Variants in WDR90 observed in about 807,000 individuals in gnomAD.
WDR90 encodes the protein WD repeat-containing protein 90.
Under a neutral mutation model 195.2 loss-of-function variants are expected in WDR90, and 238 were observed. That is an observed-to-expected ratio of 1.22 (90% CI 1.10 to 1.36). The LOEUF is 1.36. WDR90 is among the 40% of genes most tolerant of loss of function. WDR90 has a pLI of 0.00. For missense variants in WDR90, 2,734 were observed against 2,439.5 expected (o/e 1.12, Z -2.54); for synonymous variants, 1,265 against 1,052.4 (o/e 1.20, Z -3.91).
In WDR90 at chr16:660,632, C is replaced by T. The variant is rs1228779599; in HGVS notation, c.3309C>T (p.Ala1103=). The change falls in exon 28 of 41, where the codon GCC becomes GCT. Residue 1103 remains alanine, a synonymous_variant. Coordinates refer to ENST00000293879, the MANE Select transcript of WDR90 (RefSeq NM_145294.5). ...CGCAGGGCACTTGCCCGCCTCCCGC[C>T]AGCGGTGGGTGGCTGCGTCTGAAGG... ...HSAKGTCPPP[A]SGGWLRLKAV... 6.4e-7 allele frequency: 1 copy of T among 1,574,420 alleles called. No individual in the cohort carries two copies. Among genetic ancestry groups the T allele is most frequent in the Admixed American group, 1.8e-5 (1 of 54,768 alleles).
chr16:666,826 C>A, intron 39 of WDR90, 34 bp downstream of exon 39: 1 of 1,612,736 alleles, frequency 6.2e-7, no homozygotes, highest in Non-Finnish European at 8.5e-7. Flanking sequence ...ACTGGGAGCC[C>A]CAGGGATCCA....
Position 666,889 on chromosome 16 carries a change from C to A in WDR90, c.5005-16C>A. On this transcript the variant is annotated splice_polypyrimidine_tract_variant and intron_variant, in intron 39 of 40. Coordinates refer to ENST00000293879, the MANE Select transcript of WDR90 (RefSeq NM_145294.5). ...CTGAGCCCACAGGCCTGGAGCCTCA[C>A]GCTGGCTGCTCACAGGTGGTGGAGA... is the stretch of plus-strand genomic sequence containing the variant. The A allele has an allele frequency of 6.2e-7, 1 of 1,613,072 alleles. No homozygotes were observed. The highest frequency in any genetic ancestry group is 8.5e-7 in the Non-Finnish European group (1 of 1,179,928).
At position 655,638 on chromosome 16, in the gene WDR90, C is replaced by T; in HGVS notation, c.1784C>T (p.Ala595Val). ...TGTCAGCGCATGGTCGTGCGGCATG[C>T]CCGCCGCCTGCTCCCCACACGGACT... ...IDCQRMVVRH[A>V]RRLLPTRTPG... Residue 595 changes from alanine (A) to valine (V), a missense_variant, in exon 16 of 41, where the codon GCC (alanine) becomes GTC (valine). Physicochemically the swap from Ala to Val is moderately conservative, Grantham distance 64. Coordinates refer to ENST00000293879, the MANE Select transcript of WDR90 (RefSeq NM_145294.5). The T allele has an allele frequency of 1.2e-6, 2 of 1,607,128 alleles. No homozygotes were observed. The highest frequency in any genetic ancestry group is 1.7e-5 in the Admixed American group (1 of 59,270).
At chr16:649,311 A>G (rs2037588732), upstream of WDR90, 1 of 1,261,794 alleles carries the variant, frequency 7.9e-7, no homozygotes, top group Non-Finnish European at 1.0e-6. Context: ...CGGCGGAAGT[A>G]ATGGCGGAAG....
At chr16:652,346 G>A in intron 9 of WDR90, 121 bp from the exon 10 acceptor site, 3 of 1,208,120 alleles carry the variant, frequency 2.5e-6, no homozygotes, top group Non-Finnish European at 3.5e-6. Flanking sequence ...AGCCACCCAG[G>A]ACCAGGGCAG....
In WDR90 at chr16:650,441, C is replaced by T. The variant is rs1057201256; in HGVS notation, c.388+79C>T. On this transcript the variant is annotated intron_variant, in intron 4 of 40. Coordinates refer to ENST00000293879, the MANE Select transcript of WDR90 (RefSeq NM_145294.5). ...GTGCAGGCCCAGTGAGGCTCCTCTG[C>T]GGCCTGGAGGACAACCTGGCGGGGG... 14 of 1,588,898 alleles carry T rather than the reference C, an allele frequency of 8.8e-6. 1 individual carries two copies. Among genetic ancestry groups the T allele is most frequent in the African/African-American group, 6.7e-5 (5 of 74,434 alleles).
chr16:657,617 G>T, intron 20 of WDR90, 145 bp from the exon 21 acceptor site: 2 of 1,255,404 alleles, frequency 1.6e-6, no homozygotes, highest in East Asian at 2.7e-5. Context: ...CTGGCACCTT[G>T]GCAATCCTCT....
intron 9 of WDR90, 155 bp downstream of exon 9, chr16:652,194 G>T: frequency 1.0e-6 from 1 of 962,022 alleles, no homozygotes; most frequent in Non-Finnish European, 1.5e-6. Context: ...AGGCGGCTTT[G>T]GGGAAGAATC....
chr16:657,034 A>AC (rs2037770703), intron 19 of WDR90, 57 bp from the exon 20 acceptor site: 2 of 1,579,612 alleles, frequency 1.3e-6, no homozygotes, highest in South Asian at 2.3e-5. Flanking sequence ...GGTCGAGGGA[A>AC]CCCATGGTAC....
intron 22 of WDR90, 38 bp from the exon 23 acceptor site, chr16:658,487 C>T (rs965413975): frequency 2.4e-5 from 39 of 1,592,176 alleles, no homozygotes; most frequent in Non-Finnish European, 3.0e-5. Flanking sequence ...TGGCCACTCT[C>T]CTGAGACACG....
rs142200230 is a variant in WDR90 at position 659,989 on chromosome 16, C to T, written c.3185-69C>T. On this transcript the variant is annotated intron_variant, in intron 26 of 40. Transcript: ENST00000293879. ...AGACCAGGGGCTTGTGGGGAGACTG[C>T]GTGTAGTGTGGGGTCTCTGAAGAGC... is the stretch of plus-strand genomic sequence containing the variant. The T allele has an allele frequency of 1.1e-3, 1,330 of 1,171,572 alleles. 12 individuals are homozygous for T. In the African/African-American group the frequency reaches 0.018, roughly 16 times the overall value. 72.6% of individuals were successfully genotyped at this position (1,171,572 alleles called of 1,614,324 possible). A position where few individuals can be genotyped will look rare whatever the true frequency, so the allele number is the denominator to read the frequency against.
chr16:660,409 T>G, intron 27 of WDR90: 1 of 644,898 alleles, frequency 1.6e-6, no homozygotes, highest in Non-Finnish European at 2.6e-6. Context: ...CTGCCCTTGA[T>G]GAGAGCCCCA....
At chr16:651,337 A>G in intron 7 of WDR90, 71 bp downstream of exon 7, 1 of 1,548,090 alleles carries the variant, frequency 6.5e-7, no homozygotes, top group Middle Eastern at 2.1e-4. Flanking sequence ...AGGAGAGGGC[A>G]GGGCTGGGAA....
At position 657,853 on chromosome 16, in the gene WDR90, G is replaced by T. The variant is rs1241571487; in HGVS notation, c.2565G>T (p.Arg855Ser). 6.3e-7 allele frequency: 1 copy of T among 1,590,082 alleles called. No homozygotes were observed. Among genetic ancestry groups the T allele is most frequent in the African/African-American group, 1.3e-5 (1 of 74,652 alleles). Residue 855 changes from arginine to serine, a missense_variant, in exon 21 of 41, where the codon AGG becomes AGT. By Grantham distance (110) the Arg-to-Ser change is moderately radical. Transcript: ENST00000293879. ...GRLLAFVGPS[R>S]CTVTVMGSAS... The stretch of plus-strand genomic sequence containing the variant: ...TGCTGGCCTTTGTGGGACCCTCCAG[G>T]TGCACAGTGACAGTCATGGGCTCGG...
intron 13 of WDR90, 84 bp from the exon 14 acceptor site, chr16:654,944 TC>T: frequency 1.4e-6 from 2 of 1,393,860 alleles, no homozygotes; most frequent in East Asian, 4.6e-5. Flanking sequence ...AAAAGCCACC[TC>T]CGGGTGGGGC....
chr16:666,526 G>A lies in WDR90; in HGVS notation c.4812G>A (p.Trp1604Ter). ...GTGGGGACCAGCGGGTCAGCGTCTG[G>A]GCCTCCGACTGGCTGCGGAACCACT... ...AASGDQRVSV[W>*]ASDWLRNHCE... Residue 1604 changes from tryptophan (W) to a stop codon, truncating the protein, a stop_gained, in exon 38 of 41, where the codon TGG becomes TGA. Coordinates refer to ENST00000293879, the MANE Select transcript of WDR90 (RefSeq NM_145294.5). LOFTEE classifies it high-confidence loss of function. 6.2e-7 allele frequency: 1 copy of A among 1,612,752 alleles called. No individual in the cohort carries two copies. The highest frequency in any genetic ancestry group is 8.5e-7 in the Non-Finnish European group (1 of 1,179,974).
Position 661,346 on chromosome 16 carries a change from T to C in WDR90, c.3518T>C (p.Leu1173Pro). The change falls in exon 30 of 41, where the codon CTG (leucine) becomes CCG (proline). Residue 1173 changes from leucine to proline, a missense_variant. Transcript: ENST00000293879. Reference protein sequence around the residue: ...TLALSHSAQVLASASGRSSTT... With the variant: ...TLALSHSAQVPASASGRSSTT... ...GCCTGGCCTCTTGCCTGCCAGGTCC[T>C]GGCCTCTGCCTCGGGCCGAAGCAGC... 1 of 1,601,052 alleles carries C rather than the reference T, an allele frequency of 6.2e-7. No homozygotes were observed. Among genetic ancestry groups the C allele is most frequent in the Non-Finnish European group, 8.5e-7 (1 of 1,175,138 alleles).
At chr16:659,705 G>A (rs144064989) in intron 26 of WDR90, among the ~76,000 whole-genome samples, 3 of 152,332 alleles carry the variant, frequency 2.0e-5, no homozygotes, top group Admixed American at 6.5e-5. Context: ...CTGTGCTCAC[G>A]GAGGAGGAGG....
At position 667,650 on chromosome 16, in the gene WDR90, G is replaced by A. The variant is rs754976303; in HGVS notation, c.*61G>A. On this transcript the variant is annotated 3_prime_UTR_variant, in exon 41 of 41. Transcript: ENST00000293879. ...TGGTCATGCCAGGCACCTGGACACA[G>A]GCTTGGCAGAGGCGCCAGGTTGTCA... 2.7e-5 allele frequency: 43 copies of A among 1,593,830 alleles called. No individual in the cohort carries two copies. Among genetic ancestry groups the A allele is most frequent in the African/African-American group, 4.0e-5 (3 of 74,814 alleles).
Sources: gnomAD v4.1 joint callset for allele counts (sites outside exome capture counted in the v4.1 genomes callset) on GRCh38, gnomAD v4.1.1 for gene constraint, MANE v1.5 for transcripts, NCBI Gene and HGNC (gene_info 2026-07-23, HGNC 2026-07-21) for gene names.